CPAMD8: variants seen among roughly 807,000 people sequenced by gnomAD.
The protein encoded by CPAMD8 is C3 and PZP-like alpha-2-macroglobulin domain-containing protein 8.
A neutral mutation model predicts 224.7 loss-of-function variants in CPAMD8; 146 were observed. That is an observed-to-expected ratio of 0.65 (90% confidence interval 0.57 to 0.75). The LOEUF (loss-of-function observed/expected upper bound fraction) is 0.75, where lower values mean the gene tolerates loss of function less well. Among genes scored for constraint, CPAMD8 ranks in the 30% least tolerant of loss-of-function variants. The pLI is 0.00. For missense variants in CPAMD8, 2,301 were observed against 2,537.5 expected (o/e 0.91, Z 2.00); for synonymous variants, 966 against 1,044.6 (o/e 0.92, Z 1.45).
intron 35 of CPAMD8, among the ~76,000 whole-genome samples, chr19:16,901,847 G>A (rs62128038): frequency 0.059 from 8,958 of 152,198 alleles, 364 homozygotes; most frequent in Non-Finnish European, 0.089. Flanking sequence ...GCTTGCAGCT[G>A]CGGGGAGTGC....
rs142034195 is a variant in CPAMD8, at chr19:17,013,070, A to G, written c.268-1313T>C. 7.6e-3 allele frequency among the ~76,000 whole-genome samples: 1,158 copies of G among 151,962 alleles called. 16 individuals carry two copies. The highest frequency in any genetic ancestry group is 0.027 in the African/African-American group (1,110 of 41,434). ...GTGGTGGGCACCTGTAATCCCAGCT[A>G]CTCGGGAGGCTGAGGCAGGAGAATT... On this transcript the variant is annotated intron_variant, in intron 3 of 41. Transcript: ENST00000443236.
At chr19:17,016,555 G>GT (rs2056817257) in intron 3 of CPAMD8, among the ~76,000 whole-genome samples, 1 of 152,158 alleles carries the variant, frequency 6.6e-6, no homozygotes, top group Non-Finnish European at 1.5e-5. Context: ...GAGGTCAGGA[G>GT]TTTGAGACCA....
Position 17,026,620 on chromosome 19 carries a change from G to A in CPAMD8, c.23C>T (p.Pro8Leu), listed in dbSNP as rs758886032. ...CAGCAGGAGCAGGAGCGGGAGCAAC[G>A]GCCAGAGCAGGGCGCCGCTCATTTT... Reference protein sequence around the residue: MSGALLWPLLPLLLLLLS... With the variant: MSGALLWLLLPLLLLLLS... Residue 8 changes from proline (P) to leucine (L), a missense_variant, in exon 1 of 42, where the codon CCG becomes CTG. Around this residue, in one of 4 missense-constraint regions of CPAMD8, gnomAD observed 283 missense variants for 340.6 expected, o/e 0.83. Transcript: ENST00000443236. 36 of 1,499,554 alleles carry A rather than the reference G, an allele frequency of 2.4e-5. No homozygotes were observed. The highest frequency in any genetic ancestry group is 2.5e-5 in the Non-Finnish European group (28 of 1,132,110). The allele number at this position is 1,499,554 out of a possible 1,614,324, so 92.9% of individuals were successfully genotyped here.
At chr19:16,970,756 G>T in intron 18 of CPAMD8, 135 bp downstream of exon 18, 1 of 822,194 alleles carries the variant, frequency 1.2e-6, no homozygotes, top group Non-Finnish European at 1.9e-6. Flanking sequence ...CAAGAACCAT[G>T]TGAAATAAAT....
chr19:16,908,845 CT>C (rs1390138356), intron 29 of CPAMD8, among the ~76,000 whole-genome samples: 1 of 152,140 alleles, frequency 6.6e-6, no homozygotes, highest in Non-Finnish European at 1.5e-5. Context: ...AGTCCATTGC[CT>C]GGGGGTGGGG....
intron 20 of CPAMD8, among the ~76,000 whole-genome samples, chr19:16,947,478 G>A (rs527421181): frequency 3.9e-5 from 6 of 152,050 alleles, no homozygotes; most frequent in Admixed American, 6.6e-5. Context: ...ACAGCCCTCC[G>A]TATCCTCACA....
intron 20 of CPAMD8, among the ~76,000 whole-genome samples, chr19:16,950,822 G>C (rs2054277366): frequency 7.0e-6 from 1 of 142,246 alleles, no homozygotes; most frequent in Non-Finnish European, 1.5e-5. Context: ...AAAAGAGAAA[G>C]AGAGAGAAAG....
rs1437608519 is a variant in CPAMD8 at position 16,896,269 on chromosome 19, G to A, written c.5333C>T (p.Ala1778Val). 6.2e-7 allele frequency: 1 copy of A among 1,613,360 alleles called. No individual in the cohort carries two copies. ...STYGDDLASV[A>V]PGPLQQDVKL... ...CACGTCCTGCTGTAAAGGCCCCGGGGCCACAGAAGCCAGGTCATCCCCGTA... is the reference window on the plus strand; with the variant it reads ...CACGTCCTGCTGTAAAGGCCCCGGGACCACAGAAGCCAGGTCATCCCCGTA... Residue 1778 changes from alanine to valine, a missense_variant, in exon 41 of 42, where the codon GCC becomes GTC. Ala to Val is a moderately conservative substitution (Grantham distance 64, BLOSUM62 0). Transcript: ENST00000443236.
intron 2 of CPAMD8, 109 bp from the exon 3 acceptor site, chr19:17,020,462 T>C (rs1330634569): frequency 5.0e-6 from 4 of 795,704 alleles, no homozygotes; most frequent in Admixed American, 3.8e-5. Flanking sequence ...AGGGGTTTCA[T>C]GTGGACAAAC....
At chr19:16,991,111 A>T (rs577799910) in intron 12 of CPAMD8, among the ~76,000 whole-genome samples, 2 of 146,564 alleles carry the variant, frequency 1.4e-5, no homozygotes, top group South Asian at 4.3e-4. Flanking sequence ...CCCCACAAAA[A>T]ACTTTGGACA....
Position 16,914,462 on chromosome 19 carries a change from C to G in CPAMD8, c.3823G>C (p.Val1275Leu). The change falls in exon 29 of 42, where the codon GTG (valine) becomes CTG (leucine). Residue 1275 changes from valine (V) to leucine (L), a missense_variant. Val to Leu is a conservative substitution (Grantham distance 32). Transcript: ENST00000443236. ...CCTGTTTCCAGGAGAGCAACCACCACGTAGGCTGTCAGCGGGACAGTGCCG... is the reference window on the plus strand; with the variant it reads ...CCTGTTTCCAGGAGAGCAACCACCAGGTAGGCTGTCAGCGGGACAGTGCCG... ...IHGTVPLTAY[V>L]VVALLETGTA... 6.2e-7 allele frequency: 1 copy of G among 1,614,212 alleles called. No homozygotes were observed. Among genetic ancestry groups the G allele is most frequent in the Non-Finnish European group, 8.5e-7 (1 of 1,180,042 alleles).
intron 10 of CPAMD8, 99 bp from the exon 11 acceptor site, chr19:16,997,437 G>A (rs536526642): frequency 1.8e-5 from 13 of 730,046 alleles, no homozygotes; most frequent in Middle Eastern, 2.6e-4. Flanking sequence ...CTCTTCAGCT[G>A]CTTGGAGGGC....
At chr19:17,022,243 C>T in intron 1 of CPAMD8, 62 bp from the exon 2 acceptor site, 2 of 1,555,860 alleles carry the variant, frequency 1.3e-6, no homozygotes, top group Non-Finnish European at 8.7e-7. Context: ...GCTGCCACCA[C>T]AGCTAGGTCA....
chr19:17,000,394 A>T lies in CPAMD8; in HGVS notation c.867+20T>A, dbSNP rs2056271323. 4 of 971,322 alleles carry T rather than the reference A, an allele frequency of 4.1e-6. No homozygotes were observed. The East Asian group carries it at 9.5e-5, about 23-fold the overall frequency. 60.2% of individuals were successfully genotyped at this position (971,322 alleles called of 1,614,324 possible). On this transcript the variant is annotated intron_variant, in intron 10 of 41. Transcript: ENST00000443236. The stretch of plus-strand genomic sequence containing the variant: ...ACCTGGGGGTTGGGTCAGGGGGTAG[A>T]AGGGGTCCCTGTTTCTCACCTTGGT...
chr19:16,941,611 T>C (rs1301234596), intron 22 of CPAMD8, among the ~76,000 whole-genome samples: 1 of 152,174 alleles, frequency 6.6e-6, no homozygotes, highest in Admixed American at 6.5e-5. Flanking sequence ...GGTGATTGGA[T>C]CATGGGGGCG....
chr19:16,976,665 G>A (rs757461327), intron 15 of CPAMD8, among the ~76,000 whole-genome samples: 2 of 151,900 alleles, frequency 1.3e-5, no homozygotes, highest in African/African-American at 2.4e-5. Context: ...ATTGTGCAGC[G>A]GGCACAAAGA....
chr19:17,021,002 G>A (rs552307266), intron 2 of CPAMD8, among the ~76,000 whole-genome samples: 5 of 152,178 alleles, frequency 3.3e-5, no homozygotes, highest in Non-Finnish European at 5.9e-5. Flanking sequence ...TGGTCACAGT[G>A]ATTGGTTCAG....
chr19:16,975,439 G>A (rs747663579), intron 16 of CPAMD8, among the ~76,000 whole-genome samples, 181 bp from the exon 17 acceptor site: 8 of 152,304 alleles, frequency 5.3e-5, no homozygotes, highest in South Asian at 4.1e-4. Context: ...AGGCACAGTG[G>A]CCCATGCCTC....
At chr19:16,974,139 T>TG (rs1491508525) in intron 17 of CPAMD8, among the ~76,000 whole-genome samples, 1 of 143,658 alleles carries the variant, frequency 7.0e-6, no homozygotes, top group East Asian at 2.0e-4. Flanking sequence ...GCATTAGCCC[T>TG]TTTTTTTTTT....
Sources: allele counts gnomAD v4.1 joint callset (sites outside exome capture counted in the v4.1 genomes callset), GRCh38; gene constraint gnomAD v4.1.1; regional missense constraint gnomAD v4.1.1; transcripts MANE v1.5; gene names NCBI Gene and HGNC (gene_info 2026-07-23, HGNC 2026-07-21).